The following LRRC69 variants were observed in gnomAD, a reference collection of about 807,000 sequenced individuals.
LRRC69 encodes the protein leucine-rich repeat-containing protein 69.
Under a neutral mutation model 37.8 loss-of-function variants are expected in LRRC69, and 42 were observed. The ratio of observed to expected loss-of-function variants is 1.11; its 90% CI spans 0.87 to 1.44. The LOEUF (loss-of-function observed/expected upper bound fraction) is 1.44. Ranked by LOEUF, LRRC69 falls within the 40% of genes most tolerant of loss-of-function variation. LRRC69 has a pLI of 0.00. For synonymous variants in LRRC69, 141 were observed against 143.1 expected (o/e 0.99, Z 0.11); for missense variants, 357 against 401.9 (o/e 0.89, Z 0.96).
At chr8:91,198,671 A>G (rs946807146) in intron 6 of LRRC69, among the ~76,000 whole-genome samples, 1 of 152,158 alleles carries the variant, frequency 6.6e-6, no homozygotes, top group Non-Finnish European at 1.5e-5. Context: ...TAAGCTATCT[A>G]AAAGGAGCAA....
chr8:91,203,208 A>T (rs1195134548), intron 7 of LRRC69, among the ~76,000 whole-genome samples: 1 of 151,426 alleles, frequency 6.6e-6, no homozygotes, highest in Non-Finnish European at 1.5e-5. Flanking sequence ...GTTAGCTGTG[A>T]GTGTGTGTGT....
chr8:91,126,008 T>A (rs1289621904), intron 2 of LRRC69, among the ~76,000 whole-genome samples: 5 of 152,002 alleles, frequency 3.3e-5, no homozygotes, highest in Admixed American at 3.3e-4. Flanking sequence ...TTATCATTTC[T>A]TCGAGTTGGG....
At chr8:91,130,023 C>A (rs756410980) in intron 3 of LRRC69, among the ~76,000 whole-genome samples, 14 of 151,932 alleles carry the variant, frequency 9.2e-5, no homozygotes, top group Non-Finnish European at 2.1e-4. Flanking sequence ...TGTACGCACA[C>A]CAATAAGATG....
At chr8:91,134,684 C>T (rs1586237329) in intron 4 of LRRC69, among the ~76,000 whole-genome samples, 1 of 152,110 alleles carries the variant, frequency 6.6e-6, no homozygotes, top group East Asian at 1.9e-4. Context: ...TTAACCATCA[C>T]ACTAGACTTC....
chr8:91,213,365 A>G (rs1269929851), intron 7 of LRRC69, among the ~76,000 whole-genome samples: 1 of 152,214 alleles, frequency 6.6e-6, no homozygotes, highest in Non-Finnish European at 1.5e-5. Context: ...ACAGGAAACC[A>G]GGACTGTCCT....
intron 6 of LRRC69, among the ~76,000 whole-genome samples, chr8:91,193,786 G>A (rs1474449848): frequency 6.3e-5 from 9 of 142,036 alleles, no homozygotes; most frequent in South Asian, 2.4e-4. Context: ...CAATCATGTC[G>A]TCTGCAAACA....
chr8:91,217,699 AAAC>A (rs1212593572), intron 7 of LRRC69, among the ~76,000 whole-genome samples: 1 of 152,178 alleles, frequency 6.6e-6, no homozygotes, highest in Non-Finnish European at 1.5e-5. Context: ...CCCAAAGGAA[AAAC>A]AGGGCTTTTG....
intron 5 of LRRC69, among the ~76,000 whole-genome samples, chr8:91,184,419 A>G (rs1221080521): frequency 6.6e-6 from 1 of 152,246 alleles, no homozygotes; most frequent in Non-Finnish European, 1.5e-5. Flanking sequence ...CTTTTAAATG[A>G]CATTGCCAAT....
chr8:91,110,612 C>T (rs1222365951), intron 1 of LRRC69, among the ~76,000 whole-genome samples: 1 of 151,920 alleles, frequency 6.6e-6, no homozygotes, highest in Non-Finnish European at 1.5e-5. Context: ...GCACACCAGC[C>T]TGGGTAATAA....
At chr8:91,125,118 T>C (rs1470970580) in intron 2 of LRRC69, among the ~76,000 whole-genome samples, 1 of 151,900 alleles carries the variant, frequency 6.6e-6, no homozygotes, top group Admixed American at 6.6e-5. Context: ...AATTTCTCCA[T>C]TCAAGATGAT....
intron 6 of LRRC69, 111 bp from the exon 7 acceptor site, chr8:91,200,502 A>G: frequency 1.5e-6 from 1 of 667,150 alleles, no homozygotes. Flanking sequence ...ATCTTAATTT[A>G]ACAGAATCTA....
intron 5 of LRRC69, among the ~76,000 whole-genome samples, chr8:91,152,106 T>C (rs1808749982): frequency 6.6e-6 from 1 of 151,810 alleles, no homozygotes. Context: ...GCTCTGGTGA[T>C]AGTTTCTTTT....
intron 1 of LRRC69, among the ~76,000 whole-genome samples, chr8:91,117,757 G>A (rs1813536971): frequency 6.6e-6 from 1 of 151,628 alleles, no homozygotes. Context: ...GCCATGTTAG[G>A]CTGCATAATA....
intron 1 of LRRC69, among the ~76,000 whole-genome samples, chr8:91,118,913 C>G (rs1156990005): frequency 6.6e-6 from 1 of 152,108 alleles, no homozygotes; most frequent in Non-Finnish European, 1.5e-5. Flanking sequence ...TATCTTACAT[C>G]AAGTGTCATC....
At chr8:91,143,791 G>C (rs932045660) in intron 5 of LRRC69, among the ~76,000 whole-genome samples, 2 of 149,940 alleles carry the variant, frequency 1.3e-5, no homozygotes, top group African/African-American at 4.9e-5. Context: ...AACACAGGAG[G>C]AAAAAAAAAT....
intron 3 of LRRC69, 118 bp from the exon 4 acceptor site, chr8:91,132,992 A>G: frequency 1.7e-6 from 1 of 581,572 alleles, no homozygotes; most frequent in Admixed American, 3.9e-5. Context: ...GACTGAAGTA[A>G]GCTCAGAAGA....
At chr8:91,115,908 A>G (rs914101339) in intron 1 of LRRC69, among the ~76,000 whole-genome samples, 17 of 151,746 alleles carry the variant, frequency 1.1e-4, no homozygotes, top group African/African-American at 4.1e-4. Context: ...TGCCAATCCC[A>G]CTCATATTTA....
chr8:91,120,355 C>T (rs1233378284), intron 1 of LRRC69, among the ~76,000 whole-genome samples: 1 of 152,030 alleles, frequency 6.6e-6, no homozygotes, highest in Non-Finnish European at 1.5e-5. Flanking sequence ...CTGGGAAATC[C>T]TGAAACATAG....
At chr8:91,122,774 T>G (rs1282603027) in intron 1 of LRRC69, among the ~76,000 whole-genome samples, 1 of 152,054 alleles carries the variant, frequency 6.6e-6, no homozygotes, top group African/African-American at 2.4e-5. Flanking sequence ...GAAATCTACC[T>G]TGTTTTGGAA....
Sources: allele counts gnomAD v4.1 joint callset (sites outside exome capture counted in the v4.1 genomes callset), GRCh38; gene constraint gnomAD v4.1.1; transcripts MANE v1.5; gene names NCBI Gene and HGNC (gene_info 2026-07-23, HGNC 2026-07-21).